The following NPHP1 variants were observed in gnomAD, a reference collection of about 807,000 sequenced individuals.
The protein encoded by NPHP1 is nephrocystin-1.
In NPHP1, 70 loss-of-function variants were observed where a neutral mutation model predicts 90.4. The observed-to-expected ratio is 0.77, with a 90% CI of 0.64 to 0.95. NPHP1 has a LOEUF of 0.95. Ranked by LOEUF, NPHP1 falls within the 40% of genes least tolerant of loss-of-function variation. The pLI is 0.00. For missense variants in NPHP1, 764 were observed against 795.9 expected, an observed-to-expected ratio of 0.96 and a Z score of 0.48; for synonymous variants, 256 against 271.7, an observed-to-expected ratio of 0.94 and a Z score of 0.57.
Position 110,201,474 on chromosome 2 carries a change from C to T in NPHP1, c.90G>A (p.Glu30=), listed in dbSNP as rs763935677. Residue 30 remains glutamate (E), a synonymous_variant, in exon 2 of 20, where the codon GAG becomes GAA. Transcript: ENST00000445609. ...GTTCTAGAGCTTCTTTCAGTTGGCT[C>T]TCAGAAAGCAAACTATCAACCTATG... ...LKQQVDSLLS[E]SQLKEALEPN... is the part of the protein sequence containing the mutation. 1.2e-6 allele frequency: 2 copies of T among 1,610,292 alleles called. No individual in the cohort carries two copies. Among genetic ancestry groups the T allele is most frequent in the South Asian group, 2.2e-5 (2 of 90,874 alleles).
intron 4 of NPHP1, among the ~76,000 whole-genome samples, chr2:110,170,868 A>G (rs1683077232): frequency 6.6e-6 from 1 of 152,136 alleles, no homozygotes; most frequent in African/African-American, 2.4e-5. Flanking sequence ...ATTAGGAAAC[A>G]TCAAGTAGCT....
chr2:110,129,049 G>A (rs1445598425), intron 18 of NPHP1, 137 bp downstream of exon 18: 3 of 699,890 alleles, frequency 4.3e-6, no homozygotes, highest in Non-Finnish European at 7.8e-6. Context: ...TGAGGACTGA[G>A]TTACCTAGAC....
chr2:110,186,962 C>A (rs1174268465), intron 2 of NPHP1, among the ~76,000 whole-genome samples: 1 of 152,120 alleles, frequency 6.6e-6, no homozygotes, highest in East Asian at 1.9e-4. Flanking sequence ...TCAAGAAGTT[C>A]TTTGAAACTA....
At chr2:110,197,779 C>T (rs1343694042) in intron 2 of NPHP1, among the ~76,000 whole-genome samples, 2 of 152,002 alleles carry the variant, frequency 1.3e-5, no homozygotes, top group South Asian at 2.1e-4. Flanking sequence ...ACAGTAAAGC[C>T]GCTTATTTTG....
Position 110,204,897 on chromosome 2 carries a change from T to G in NPHP1, c.69+3A>C. On this transcript the variant is annotated splice_donor_region_variant and intron_variant, in intron 1 of 19. Transcript: ENST00000445609. ...CAGGGCCCTCTGCACAGCCTGACCATACCTGTTGCTTCAGCTCCTGATTGC... is the reference window on the plus strand; with the variant it reads ...CAGGGCCCTCTGCACAGCCTGACCAGACCTGTTGCTTCAGCTCCTGATTGC... The G allele has an allele frequency of 6.2e-7, 1 of 1,613,834 alleles. No individual in the cohort carries two copies. Among genetic ancestry groups the G allele is most frequent in the East Asian group, 2.2e-5 (1 of 44,876 alleles).
At chr2:110,149,588 C>A (rs1681314743) in intron 12 of NPHP1, among the ~76,000 whole-genome samples, 4 of 152,096 alleles carry the variant, frequency 2.6e-5, no homozygotes, top group Admixed American at 6.6e-5. Context: ...GGAAAGGTAA[C>A]TAAGGGTTTT....
rs756376874 is a variant in NPHP1 at position 110,144,573 on chromosome 2, T to C, written c.1353-4A>G. 4 of 1,543,620 alleles carry C rather than the reference T, an allele frequency of 2.6e-6. No homozygotes were observed. Among genetic ancestry groups the C allele is most frequent in the Non-Finnish European group, 3.6e-6 (4 of 1,115,844 alleles). ...ATTCAAGAAAAGCTCATAAGTTCTATAAAAGAATAACATACAATGACAGAT... is the reference window on the plus strand; with the variant it reads ...ATTCAAGAAAAGCTCATAAGTTCTACAAAAGAATAACATACAATGACAGAT... On this transcript the variant is annotated splice_region_variant and splice_polypyrimidine_tract_variant and intron_variant, in intron 14 of 19. Transcript: ENST00000445609.
At chr2:110,193,515 T>C (rs1684910665) in intron 2 of NPHP1, among the ~76,000 whole-genome samples, 1 of 152,070 alleles carries the variant, frequency 6.6e-6, no homozygotes, top group Non-Finnish European at 1.5e-5. Context: ...AGCAAGTCCT[T>C]AGAGACCTAG....
chr2:110,160,698 T>C (rs556735153), intron 10 of NPHP1, among the ~76,000 whole-genome samples: 1 of 152,324 alleles, frequency 6.6e-6, no homozygotes, highest in South Asian at 2.1e-4. Flanking sequence ...AGTTTCTTAA[T>C]AGGTGTTTTA....
intron 2 of NPHP1, among the ~76,000 whole-genome samples, chr2:110,189,833 T>C (rs1289726393): frequency 6.6e-5 from 10 of 151,988 alleles, no homozygotes; most frequent in Non-Finnish European, 1.2e-4. Flanking sequence ...CCAGAGTAGT[T>C]AGATATAGAG....
intron 4 of NPHP1, chr2:110,178,050 A>G (rs1683625127): frequency 3.7e-6 from 1 of 268,924 alleles, no homozygotes; most frequent in South Asian, 5.3e-5. Context: ...CTTTGCTTCA[A>G]ATTTTTAAAG....
intron 9 of NPHP1, among the ~76,000 whole-genome samples, chr2:110,162,265 A>C (rs1282494784): frequency 6.6e-6 from 1 of 152,166 alleles, no homozygotes; most frequent in African/African-American, 2.4e-5. Flanking sequence ...GAAAATAAGT[A>C]GACAAGCAAA....
At chr2:110,145,140 C>G (rs563149687) in intron 14 of NPHP1, among the ~76,000 whole-genome samples, 1 of 152,194 alleles carries the variant, frequency 6.6e-6, no homozygotes, top group East Asian at 1.9e-4. Context: ...TCAAAACTAA[C>G]ACATGCTTCA....
At position 110,158,780 on chromosome 2, in the gene NPHP1, TTCAAG is replaced by T. The variant is rs1445883167; in HGVS notation, c.1083+1342_1083+1346del. ...TGATACTTCTTTTTTGAAGAGGCTA[TTCAAG>T]TCTTTTGTCCCTTTAGAAAACTGAG... is the stretch of plus-strand genomic sequence containing the variant. On this transcript the variant is annotated intron_variant, in intron 11 of 19. Coordinates refer to ENST00000445609, the MANE Select transcript of NPHP1 (RefSeq NM_001128178.3). Among the ~76,000 whole-genome samples, 9 of 151,912 alleles carry T rather than the reference TTCAAG, an allele frequency of 5.9e-5. 1 individual carries two copies. The highest frequency in any genetic ancestry group is 1.3e-4 in the Non-Finnish European group (9 of 67,932).
chr2:110,178,316 G>C, intron 4 of NPHP1, 107 bp downstream of exon 4: 1 of 1,046,838 alleles, frequency 9.6e-7, no homozygotes. Flanking sequence ...TCTATTGTTA[G>C]TGTCATTTGT....
At chr2:110,125,831 A>G (rs1679320386) in intron 18 of NPHP1, 150 bp from the exon 19 acceptor site, 2 of 707,042 alleles carry the variant, frequency 2.8e-6, no homozygotes, top group Non-Finnish European at 5.1e-6. Flanking sequence ...GTAATTAGGA[A>G]TCTATTGCAA....
At chr2:110,174,394 TG>T in intron 4 of NPHP1, among the ~76,000 whole-genome samples, 1 of 152,336 alleles carries the variant, frequency 6.6e-6, no homozygotes, top group Middle Eastern at 3.4e-3. Context: ...ATTTTGTTAG[TG>T]ATTGTTTTAG....
intron 2 of NPHP1, among the ~76,000 whole-genome samples, chr2:110,193,131 G>C (rs1280574795): frequency 6.6e-6 from 1 of 152,154 alleles, no homozygotes; most frequent in Non-Finnish European, 1.5e-5. Flanking sequence ...ACATCATAAT[G>C]ACAGGATCAA....
At chr2:110,166,352 A>T (rs766324587) in intron 6 of NPHP1, among the ~76,000 whole-genome samples, 2 of 152,146 alleles carry the variant, frequency 1.3e-5, no homozygotes, top group African/African-American at 2.4e-5. Flanking sequence ...TCCTTTTTCA[A>T]ACAAAATCCC....
Sources: gnomAD v4.1 joint callset for allele counts (sites outside exome capture counted in the v4.1 genomes callset) on GRCh38, gnomAD v4.1.1 for gene constraint, MANE v1.5 for transcripts, NCBI Gene and HGNC (gene_info 2026-07-23, HGNC 2026-07-21) for gene names.